The following ITSN1 variants were observed in gnomAD, a reference collection of about 807,000 sequenced individuals.
The protein encoded by ITSN1 is intersectin 1, also known as intersectin-1.
Under a neutral mutation model 239.8 loss-of-function variants are expected in ITSN1, and 58 were observed. The observed-to-expected ratio is 0.24, with a 90% CI of 0.20 to 0.30. The LOEUF (loss-of-function observed/expected upper bound fraction) is 0.30. Among genes scored for constraint, ITSN1 ranks in the 10% least tolerant of loss-of-function variants. The probability of loss-of-function intolerance (pLI) is 1.00; values close to 1 mark genes in which losing one functional copy is unlikely to be tolerated. For synonymous variants in ITSN1, 780 were observed against 770.8 expected (o/e 1.01, Z -0.20); for missense variants, 1,558 against 2,103.3 (o/e 0.74, Z 5.07).
chr21:33,742,119 C>A (rs1255867565), intron 5 of ITSN1, among the ~76,000 whole-genome samples: 1 of 150,036 alleles, frequency 6.7e-6, no homozygotes, highest in Non-Finnish European at 1.5e-5. Flanking sequence ...TGCAGTGGCA[C>A]CTTCTCGGCT....
At chr21:33,664,469 A>T (rs571709282) in intron 1 of ITSN1, among the ~76,000 whole-genome samples, 21 of 152,218 alleles carry the variant, frequency 1.4e-4, no homozygotes, top group Admixed American at 1.0e-3. Flanking sequence ...TAATCTATTC[A>T]TGAAGGATCC....
chr21:33,753,065 T>C (rs543385668), intron 7 of ITSN1, among the ~76,000 whole-genome samples: 1 of 152,324 alleles, frequency 6.6e-6, no homozygotes, highest in South Asian at 2.1e-4. Context: ...CTCTCTGTTA[T>C]AGATGAGGGA....
At chr21:33,886,705 C>T (rs950951739) in intron 39 of ITSN1, among the ~76,000 whole-genome samples, 1 of 152,160 alleles carries the variant, frequency 6.6e-6, no homozygotes, top group African/African-American at 2.4e-5. Flanking sequence ...ACACGTCCAT[C>T]TTCTGCTTTC....
rs943058500 is a variant in ITSN1, at chr21:33,895,874, G to A, written c.*7574G>A. On this transcript the variant is annotated 3_prime_UTR_variant, in exon 40 of 40. Transcript: ENST00000381318. ...CGGACAGAGTGCAAAATGAAAATGC[G>A]AGGCCCCTTGTTCAGGTGATGAAGC... 3.9e-5 allele frequency: 6 copies of A among 152,196 alleles called. No homozygotes were observed. In the East Asian group the frequency reaches 1.2e-3, roughly 29 times the overall value. The allele number at this position is 152,196 out of a possible 1,614,324, so 9.4% of individuals were successfully genotyped here.
chr21:33,832,422 T>A (rs1237369281), intron 27 of ITSN1, among the ~76,000 whole-genome samples: 1 of 152,202 alleles, frequency 6.6e-6, no homozygotes, highest in Non-Finnish European at 1.5e-5. Flanking sequence ...GCAGCCGTAT[T>A]TTTCAGTCCC....
intron 20 of ITSN1, among the ~76,000 whole-genome samples, chr21:33,805,870 C>T (rs1765804107): frequency 6.7e-6 from 1 of 148,332 alleles, no homozygotes. Flanking sequence ...GATGGGGTTT[C>T]ACCGTGTTAG....
In ITSN1 at chr21:33,858,726, A is replaced by G. The variant is rs1346918496; in HGVS notation, c.3824A>G (p.Glu1275Gly). Residue 1275 changes from glutamate to glycine, a missense_variant, in exon 31 of 40, where the codon GAA (glutamate) becomes GGA (glycine). Around this residue, in one of 2 missense-constraint regions of ITSN1, gnomAD observed 576 missense variants for 893.3 expected, o/e 0.64. Coordinates refer to ENST00000381318, the MANE Select transcript of ITSN1 (RefSeq NM_003024.3). ...CTGATGGAGTCTGAGCTGCTGACAG[A>G]AAAAGAGGTTGCTATGATTTTTGTG... ...KPLMESELLT[E>G]KEVAMIFVNW... 4.3e-6 allele frequency: 7 copies of G among 1,613,752 alleles called. No homozygotes were observed. The highest frequency in any genetic ancestry group is 5.9e-6 in the Non-Finnish European group (7 of 1,179,776).
Position 33,860,782 on chromosome 21 carries a change from A to G in ITSN1, c.3890+1990A>G, listed in dbSNP as rs766624274. Among the ~76,000 whole-genome samples, 105 of 152,196 alleles carry G rather than the reference A, an allele frequency of 6.9e-4. 2 individuals carry two copies. Among genetic ancestry groups the G allele is most frequent in the Non-Finnish European group, 1.8e-4 (12 of 68,036 alleles). On this transcript the variant is annotated intron_variant, in intron 31 of 39. Coordinates refer to ENST00000381318, the MANE Select transcript of ITSN1 (RefSeq NM_003024.3). Reference sequence around the variant, plus strand: ...CCCCCGTGGAAAAAAACATGGGCCCAGAAGTCAGACATCCCAAGTTTTTGT... The same window carrying G: ...CCCCCGTGGAAAAAAACATGGGCCCGGAAGTCAGACATCCCAAGTTTTTGT...
chr21:33,772,196 G>A lies in ITSN1; in HGVS notation c.1178G>A (p.Arg393Lys). The change falls in exon 12 of 40, where the codon AGG becomes AAG. Residue 393 changes from arginine to lysine, a missense_variant. Arg to Lys is a conservative substitution (Grantham distance 26). Around this residue, in one of 2 missense-constraint regions of ITSN1, gnomAD observed 982 missense variants for 1,209.9 expected, o/e 0.81. Transcript: ENST00000381318. ...CAGCTGGAGCGGGCGGAGCAGGAGA[G>A]GAAGGAGCGTGAGCGCCAGGAGCAA... is the stretch of plus-strand genomic sequence containing the variant. ...LAQLERAEQERKERERQEQER... is the reference protein window; with the variant it reads ...LAQLERAEQEKKERERQEQER... 6.2e-7 allele frequency: 1 copy of A among 1,613,954 alleles called. No individual in the cohort carries two copies. The highest frequency in any genetic ancestry group is 8.5e-7 in the Non-Finnish European group (1 of 1,179,904).
intron 5 of ITSN1, among the ~76,000 whole-genome samples, chr21:33,737,115 C>T (rs1385283840): frequency 1.3e-5 from 2 of 152,216 alleles, no homozygotes; most frequent in East Asian, 1.9e-4. Context: ...TTCTCTCAAA[C>T]CTGGGGTCAA....
rs150000976 is a variant in ITSN1 at position 33,820,596 on chromosome 21, G to A, written c.3016+1273G>A. Among the ~76,000 whole-genome samples the A allele has an allele frequency of 2.6e-5, 4 of 152,210 alleles. No individual in the cohort carries two copies. The East Asian group carries it at 7.7e-4, about 29-fold the overall frequency. ...GGTATAATGGTATTTCAGACTCACA[G>A]TAACAATGTTCTTTTTTCAAGAGGT... On this transcript the variant is annotated intron_variant, in intron 24 of 39. Transcript: ENST00000381318.
chr21:33,877,200 C>T (rs917692526), intron 34 of ITSN1, among the ~76,000 whole-genome samples: 5 of 151,776 alleles, frequency 3.3e-5, no homozygotes, highest in South Asian at 2.1e-4. Context: ...ATTACAGGTG[C>T]GCACCACCAT....
chr21:33,682,407 G>C (rs1388706968), intron 1 of ITSN1, among the ~76,000 whole-genome samples: 1 of 151,838 alleles, frequency 6.6e-6, no homozygotes, highest in African/African-American at 2.4e-5. Flanking sequence ...TAGAGGCGGG[G>C]TTTCTCCATG....
At chr21:33,765,637 A>C (rs2068666547) in intron 9 of ITSN1, among the ~76,000 whole-genome samples, 1 of 152,218 alleles carries the variant, frequency 6.6e-6, no homozygotes, top group Non-Finnish European at 1.5e-5. Flanking sequence ...AAATATGCAA[A>C]GGTTGGGGAA....
chr21:33,651,219 A>T (rs955839192), intron 1 of ITSN1, among the ~76,000 whole-genome samples: 21 of 152,226 alleles, frequency 1.4e-4, no homozygotes, highest in African/African-American at 4.8e-4. Flanking sequence ...TGAAGGAGAG[A>T]GGCCCACTTG....
At chr21:33,711,245 AG>A (rs2092406350) in intron 1 of ITSN1, among the ~76,000 whole-genome samples, 1 of 151,988 alleles carries the variant, frequency 6.6e-6, no homozygotes, top group Admixed American at 6.6e-5. Flanking sequence ...AAATGTTTGT[AG>A]GATTGATGGG....
At chr21:33,864,339 T>C (rs2148499080) in intron 31 of ITSN1, among the ~76,000 whole-genome samples, 1 of 152,352 alleles carries the variant, frequency 6.6e-6, no homozygotes, top group South Asian at 2.1e-4. Flanking sequence ...AGTACCTTGC[T>C]GTCCTTACCG....
rs753298561 is a variant in ITSN1 at position 33,735,030 on chromosome 21, C to G, written c.186-14C>G. On this transcript the variant is annotated splice_polypyrimidine_tract_variant and intron_variant, in intron 4 of 39. Transcript: ENST00000381318. ...TGGTCACAGTTGTTCTCAGGCCATG[C>G]TGTTGGTTTGCAGGGCACTAGCTGA... The G allele has an allele frequency of 6.2e-7, 1 of 1,601,588 alleles. No individual in the cohort carries two copies. The highest frequency in any genetic ancestry group is 1.3e-5 in the African/African-American group (1 of 74,326).
chr21:33,868,297 C>T (rs953089152), intron 33 of ITSN1, among the ~76,000 whole-genome samples: 25 of 152,248 alleles, frequency 1.6e-4, no homozygotes, highest in Non-Finnish European at 2.2e-4. Flanking sequence ...AGCTGCCTGC[C>T]AGTCTCGCGC....
Sources: gnomAD v4.1 joint callset for allele counts (sites outside exome capture counted in the v4.1 genomes callset) on GRCh38, gnomAD v4.1.1 for gene constraint, gnomAD v4.1.1 regional missense constraint, MANE v1.5 for transcripts, NCBI Gene and HGNC (gene_info 2026-07-23, HGNC 2026-07-21) for gene names.